Variants in ASIP observed in about 807,000 individuals in gnomAD.
The protein encoded by ASIP is agouti signaling protein, also known as agouti-signaling protein.
A neutral mutation model predicts 10.3 loss-of-function variants in ASIP; 11 were observed. The ratio of observed to expected loss-of-function variants is 1.07; its 90% CI spans 0.68 to 1.78. The LOEUF (loss-of-function observed/expected upper bound fraction) is 1.78. Among genes scored for constraint, ASIP ranks in the 40% most tolerant of loss-of-function variants. ASIP has a pLI of 0.00. For missense variants in ASIP, 180 were observed against 169.2 expected, an observed-to-expected ratio of 1.06 and a Z score of -0.35; for synonymous variants, 70 against 70.8, an observed-to-expected ratio of 0.99 and a Z score of 0.06.
chr20:34,223,256 T>G (rs1180446634), intron 1 of ASIP, among the ~76,000 whole-genome samples: 1 of 146,254 alleles, frequency 6.8e-6, no homozygotes, highest in Non-Finnish European at 1.5e-5. Flanking sequence ...TCGTCTGAGA[T>G]GTGGGGAGCG....
intron 1 of ASIP, among the ~76,000 whole-genome samples, chr20:34,247,532 C>T (rs770111173): frequency 6.6e-5 from 10 of 151,242 alleles, no homozygotes; most frequent in Admixed American, 1.3e-4. Context: ...CTCCTGACCT[C>T]GTGATCCACC....
intron 1 of ASIP, among the ~76,000 whole-genome samples, chr20:34,244,957 A>G (rs2035344639): frequency 6.6e-6 from 1 of 152,196 alleles, no homozygotes; most frequent in African/African-American, 2.4e-5. Context: ...ATTTTTAAAA[A>G]TCACTCAGCT....
chr20:34,200,132 A>C (rs1380728429), intron 1 of ASIP, among the ~76,000 whole-genome samples: 1 of 152,238 alleles, frequency 6.6e-6, no homozygotes, highest in Non-Finnish European at 1.5e-5. Flanking sequence ...CAGTTATAAA[A>C]ATAAAGATTT....
chr20:34,236,677 C>A (rs1465406584), upstream of ASIP, among the ~76,000 whole-genome samples: 2 of 152,050 alleles, frequency 1.3e-5, no homozygotes, highest in Non-Finnish European at 2.9e-5. Context: ...ATGGCGAGAC[C>A]CCCATCTTAA....
At position 34,269,031 on chromosome 20, in the gene ASIP, C is replaced by A. The variant is rs1189577159; in HGVS notation, c.263C>A (p.Pro88His). The A allele has an allele frequency of 1.2e-6, 2 of 1,607,960 alleles. No individual in the cohort carries two copies. Among genetic ancestry groups the A allele is most frequent in the Non-Finnish European group, 8.5e-7 (1 of 1,177,950 alleles). ...AAGAAAGTGGTGCGGCCCCGGACCC[C>A]CCTATCTGCGCCCTGCGTGGCCACC... ...SMKKVVRPRT[P>H]LSAPCVATRN... Residue 88 changes from proline (P) to histidine (H), a missense_variant, in exon 4 of 4, where the codon CCC (proline) becomes CAC (histidine). Physicochemically the swap from Pro to His is moderately conservative, Grantham distance 77. Transcript: ENST00000374954.
intron 1 of ASIP, among the ~76,000 whole-genome samples, chr20:34,203,621 G>A (rs1014812642): frequency 2.0e-5 from 3 of 150,864 alleles, no homozygotes; most frequent in Admixed American, 1.3e-4. Context: ...GGTCTCGAAC[G>A]CCTAACTTCA....
chr20:34,255,588 T>C (rs974451216), intron 1 of ASIP, among the ~76,000 whole-genome samples: 1 of 152,218 alleles, frequency 6.6e-6, no homozygotes. Flanking sequence ...TATATGAATA[T>C]CATTAATCAT....
intron 1 of ASIP, among the ~76,000 whole-genome samples, chr20:34,250,334 TAAAC>T (rs1310876083): frequency 6.6e-6 from 1 of 152,142 alleles, no homozygotes; most frequent in Non-Finnish European, 1.5e-5. Context: ...GAAGACTACT[TAAAC>T]AAACAAACAA....
At chr20:34,236,365 C>A (rs1245794803) in intron 1 of ASIP, among the ~76,000 whole-genome samples, 1 of 151,972 alleles carries the variant, frequency 6.6e-6, no homozygotes, top group African/African-American at 2.4e-5. Context: ...CATGGTGAAA[C>A]CCTGTCTCTA....
chr20:34,244,503 A>G (rs2035337598), intron 1 of ASIP, among the ~76,000 whole-genome samples: 1 of 152,210 alleles, frequency 6.6e-6, no homozygotes, highest in Non-Finnish European at 1.5e-5. Context: ...AAATGTTTCC[A>G]AGTAATCTTA....
chr20:34,232,650 A>T (rs751082477), intron 1 of ASIP, among the ~76,000 whole-genome samples: 10 of 152,212 alleles, frequency 6.6e-5, no homozygotes, highest in Non-Finnish European at 1.3e-4. Context: ...AGCATAACCA[A>T]GGCCACTCAG....
chr20:34,246,587 C>T (rs1357766930), intron 1 of ASIP: 3 of 722,498 alleles, frequency 4.2e-6, no homozygotes, highest in Non-Finnish European at 7.4e-6. Context: ...ACCTCAGCCT[C>T]CTAGGACCAC....
At chr20:34,193,931 T>C (rs2034839230), upstream of ASIP, among the ~76,000 whole-genome samples, 1 of 152,232 alleles carries the variant, frequency 6.6e-6, no homozygotes, top group African/African-American at 2.4e-5. Flanking sequence ...AACCAGGTTA[T>C]TAGATAACTC....
intron 3 of ASIP, among the ~76,000 whole-genome samples, chr20:34,267,731 A>G (rs2035812525): frequency 6.6e-6 from 1 of 151,760 alleles, no homozygotes; most frequent in African/African-American, 2.4e-5. Flanking sequence ...GGGTTTCTCC[A>G]TGTCGGTCGG....
At chr20:34,222,636 CTCTCCCTCTCCG>C (rs1261279004) in intron 1 of ASIP, among the ~76,000 whole-genome samples, 5 of 151,990 alleles carry the variant, frequency 3.3e-5, no homozygotes, top group South Asian at 2.1e-4. Flanking sequence ...CTCCCTCTCC[CTCTCCCTCTCCG>C]TCTCCCTCTC....
At chr20:34,216,208 G>A (rs1489147870) in intron 1 of ASIP, among the ~76,000 whole-genome samples, 1 of 152,248 alleles carries the variant, frequency 6.6e-6, no homozygotes, top group Non-Finnish European at 1.5e-5. Context: ...GCAAGCGGGC[G>A]GGGTCAGCGC....
At chr20:34,263,616 T>G (rs1601616437) in intron 3 of ASIP, among the ~76,000 whole-genome samples, 2 of 128,714 alleles carry the variant, frequency 1.6e-5, no homozygotes, top group African/African-American at 1.0e-4. Context: ...CTTGAACACA[T>G]GTGTTTGAAC....
chr20:34,208,096 G>T (rs1432787459), intron 1 of ASIP, among the ~76,000 whole-genome samples: 15 of 152,130 alleles, frequency 9.9e-5, no homozygotes, highest in Admixed American at 6.6e-4. Context: ...ATTTATTAAA[G>T]AGTTGACTGT....
At chr20:34,260,334 C>T (rs2035667560) in intron 1 of ASIP, 31 bp from the exon 2 acceptor site, 1 of 1,594,426 alleles carries the variant, frequency 6.3e-7, no homozygotes, top group Non-Finnish European at 8.6e-7. Flanking sequence ...CCCTGACCCA[C>T]CCACCTGACC....
Sources: gnomAD v4.1 joint callset for allele counts (sites outside exome capture counted in the v4.1 genomes callset) on GRCh38, gnomAD v4.1.1 for gene constraint, MANE v1.5 for transcripts, NCBI Gene and HGNC (gene_info 2026-07-23, HGNC 2026-07-21) for gene names.